DOCK4: variants seen among roughly 807,000 people sequenced by gnomAD.
DOCK4 encodes dedicator of cytokinesis protein 4.
Under a neutral mutation model 268.1 loss-of-function variants are expected in DOCK4, and 97 were observed. That is an observed-to-expected ratio of 0.36 (90% CI 0.31 to 0.43). The LOEUF (loss-of-function observed/expected upper bound fraction) is 0.43, where lower values mean the gene tolerates loss of function less well. DOCK4 is among the 20% of genes least tolerant of loss of function. The pLI is 1.00. For missense variants in DOCK4, 2,145 were observed against 2,455.7 expected (o/e 0.87, Z 2.67); for synonymous variants, 954 against 887.2 (o/e 1.08, Z -1.34).
Position 111,728,122 on chromosome 7 carries a change from T to C in DOCK4, c.*152A>G, listed in dbSNP as rs1794770248. ...CGTTTTAGATCAGCAACTTTTAATA[T>C]TGTGCAACATGATATTTAATAAGCA... On this transcript the variant is annotated 3_prime_UTR_variant, in exon 53 of 53. Transcript: ENST00000428084. 7 of 538,460 alleles carry C rather than the reference T, an allele frequency of 1.3e-5. No individual in the cohort carries two copies. The highest frequency in any genetic ancestry group is 2.0e-5 in the Non-Finnish European group (7 of 350,098). 33.4% of individuals were successfully genotyped at this position (538,460 alleles called of 1,614,324 possible). A position where few individuals can be genotyped will look rare whatever the true frequency, so the allele number is the denominator to read the frequency against.
intron 8 of DOCK4, 22 bp downstream of exon 8, chr7:111,977,110 C>A (rs753335313): frequency 1.2e-6 from 2 of 1,612,024 alleles, no homozygotes; most frequent in South Asian, 2.2e-5. Context: ...GACATTGAAA[C>A]CCTATCTCCA....
intron 12 of DOCK4, among the ~76,000 whole-genome samples, chr7:111,934,716 T>TC (rs894253216): frequency 2.0e-5 from 3 of 149,472 alleles, no homozygotes; most frequent in African/African-American, 7.4e-5. Context: ...TTTTTTTTTT[T>TC]TTTTAGTAGA....
At chr7:112,165,523 C>CAT (rs1285488245) in intron 1 of DOCK4, among the ~76,000 whole-genome samples, 1 of 126,472 alleles carries the variant, frequency 7.9e-6, no homozygotes, top group Non-Finnish European at 1.8e-5. Flanking sequence ...GAATAGTATA[C>CAT]GTGTGTGTGT....
At chr7:111,843,682 A>ATC in intron 25 of DOCK4, among the ~76,000 whole-genome samples, 1 of 152,198 alleles carries the variant, frequency 6.6e-6, no homozygotes, top group African/African-American at 2.4e-5. Flanking sequence ...ATATATATAA[A>ATC]TAGATACACA....
At chr7:112,101,725 T>G (rs1001235748) in intron 1 of DOCK4, among the ~76,000 whole-genome samples, 2 of 152,268 alleles carry the variant, frequency 1.3e-5, no homozygotes, top group African/African-American at 2.4e-5. Context: ...TAGTTCGTTC[T>G]TGAACTTTCT....
At chr7:111,837,804 T>C (rs1279207408) in intron 25 of DOCK4, among the ~76,000 whole-genome samples, 1 of 152,074 alleles carries the variant, frequency 6.6e-6, no homozygotes, top group Admixed American at 6.6e-5. Context: ...ATGTCAATTT[T>C]GGCTGGGCGT....
chr7:111,917,693 G>A (rs1205683936), intron 12 of DOCK4, among the ~76,000 whole-genome samples: 1 of 149,378 alleles, frequency 6.7e-6, no homozygotes, highest in Non-Finnish European at 1.5e-5. Flanking sequence ...GTGACAGAGC[G>A]AGACCCCATA....
At chr7:111,742,177 TCTCA>T (rs1297702123) in intron 44 of DOCK4, 45 bp from the exon 45 acceptor site, 14 of 1,518,226 alleles carry the variant, frequency 9.2e-6, no homozygotes, top group South Asian at 1.3e-5. Flanking sequence ...AATGACTACC[TCTCA>T]CTAAGTGCCT....
chr7:112,037,146 T>C (rs1315963863), intron 1 of DOCK4, among the ~76,000 whole-genome samples: 2 of 152,170 alleles, frequency 1.3e-5, no homozygotes, highest in East Asian at 3.9e-4. Context: ...ATAAATTACA[T>C]GAGATATTCA....
intron 8 of DOCK4, among the ~76,000 whole-genome samples, chr7:111,948,873 G>T (rs117596020): frequency 6.7e-6 from 1 of 150,076 alleles, no homozygotes; most frequent in African/African-American, 2.5e-5. Flanking sequence ...GAGCCACTGC[G>T]CCCAGCCAGT....
chr7:112,042,388 C>CT (rs575434034), intron 1 of DOCK4, among the ~76,000 whole-genome samples: 58 of 152,244 alleles, frequency 3.8e-4, no homozygotes, highest in Admixed American at 2.1e-3. Context: ...CGAGGATATT[C>CT]TGAGTGTCTT....
chr7:112,081,576 T>C (rs1026263403), intron 1 of DOCK4, among the ~76,000 whole-genome samples: 41 of 152,222 alleles, frequency 2.7e-4, no homozygotes, highest in African/African-American at 8.7e-4. Flanking sequence ...AAAGTCACTA[T>C]GTCTTAAAGG....
chr7:111,946,211 GCTAA>G (rs1795606687), intron 8 of DOCK4, among the ~76,000 whole-genome samples: 1 of 152,158 alleles, frequency 6.6e-6, no homozygotes, highest in Admixed American at 6.5e-5. Flanking sequence ...TATTTTGAGT[GCTAA>G]CTATCTATTA....
At chr7:112,052,325 T>A (rs879430508) in intron 1 of DOCK4, among the ~76,000 whole-genome samples, 1 of 152,206 alleles carries the variant, frequency 6.6e-6, no homozygotes, top group Non-Finnish European at 1.5e-5. Flanking sequence ...CACATATACC[T>A]ATATATTTTA....
At chr7:111,914,891 T>C (rs367717412) in intron 13 of DOCK4, among the ~76,000 whole-genome samples, 2 of 152,360 alleles carry the variant, frequency 1.3e-5, no homozygotes, top group African/African-American at 2.4e-5. Flanking sequence ...CCTTTGTACA[T>C]AGAAAGTGCT....
Position 112,137,186 on chromosome 7 carries a change from T to C in DOCK4, c.37+68916A>G, listed in dbSNP as rs569185518. On this transcript the variant is annotated intron_variant, in intron 1 of 52. Transcript: ENST00000428084. The stretch of plus-strand genomic sequence containing the variant: ...AATTTTTTTATCATAGCTTATGTGA[T>C]GCCTGTATGCTATATTTCATTAAAA... 3.3e-5 allele frequency among the ~76,000 whole-genome samples: 5 copies of C among 152,384 alleles called. No homozygotes were observed. The East Asian group carries it at 5.8e-4, about 18-fold the overall frequency.
chr7:111,741,037 C>T (rs376054432), intron 47 of DOCK4, 57 bp downstream of exon 47: 5 of 1,600,844 alleles, frequency 3.1e-6, no homozygotes, highest in East Asian at 4.5e-5. Context: ...AACAGAAACA[C>T]TCATGATTGA....
chr7:111,821,924 T>C (rs1361060548), intron 27 of DOCK4, among the ~76,000 whole-genome samples: 1 of 152,232 alleles, frequency 6.6e-6, no homozygotes, highest in Non-Finnish European at 1.5e-5. Context: ...GGTCATTCAA[T>C]GCAATATTAT....
At chr7:112,125,897 C>A (rs1219359580) in intron 1 of DOCK4, among the ~76,000 whole-genome samples, 1 of 152,114 alleles carries the variant, frequency 6.6e-6, no homozygotes, top group African/African-American at 2.4e-5. Flanking sequence ...CAGCCTTGAC[C>A]TCCCTGTCTC....
Sources: allele counts gnomAD v4.1 joint callset (sites outside exome capture counted in the v4.1 genomes callset), GRCh38; gene constraint gnomAD v4.1.1; transcripts MANE v1.5; gene names NCBI Gene and HGNC (gene_info 2026-07-23, HGNC 2026-07-21).